The following AGAP1 variants were observed in gnomAD, a reference collection of about 807,000 sequenced individuals.
AGAP1 encodes arf-GAP with GTPase, ANK repeat and PH domain-containing protein 1.
Under a neutral mutation model 105.3 loss-of-function variants are expected in AGAP1, and 29 were observed. That is an observed-to-expected ratio of 0.28 (90% CI 0.21 to 0.38). The LOEUF (loss-of-function observed/expected upper bound fraction) is 0.38, where lower values mean the gene tolerates loss of function less well. Ranked by LOEUF, AGAP1 falls within the 10% of genes least tolerant of loss-of-function variation. The probability of loss-of-function intolerance (pLI) is 1.00; values close to 1 mark genes in which losing one functional copy is unlikely to be tolerated. For synonymous variants in AGAP1, 509 were observed against 485.9 expected (o/e 1.05, Z -0.63); for missense variants, 998 against 1,165.1 (o/e 0.86, Z 2.09).
intron 1 of AGAP1, among the ~76,000 whole-genome samples, chr2:235,579,272 T>C (rs1031768425): frequency 6.6e-6 from 1 of 152,190 alleles, no homozygotes; most frequent in South Asian, 2.1e-4. Flanking sequence ...GGCGACACTT[T>C]TGCTTTAATC....
rs1337994332 is a variant in AGAP1, at chr2:235,577,900, C to T, written c.163+83051C>T. ...CGGATGAAAAAAACCAAACACTGAG[C>T]CTGGTCTGAGCGGGGCTGTTTGTTG... On this transcript the variant is annotated intron_variant, in intron 1 of 17. Coordinates refer to ENST00000304032, the MANE Select transcript of AGAP1 (RefSeq NM_001037131.3). This position sits in a 1 kb window ranked among gnomAD's most constrained non-coding sequence, Gnocchi z 4.5. 1.3e-5 allele frequency among the ~76,000 whole-genome samples: 2 copies of T among 152,050 alleles called. No individual in the cohort carries two copies. Among genetic ancestry groups the T allele is most frequent in the Non-Finnish European group, 2.9e-5 (2 of 68,024 alleles).
chr2:235,891,775 C>A lies in AGAP1; in HGVS notation c.1155+8326C>A, dbSNP rs1349321509. ...GTTCCGGTCCTGGCTCTCTGGGCTTCCTCAGGAGGTCGTTTGGCAGCTGTG... is the reference window on the plus strand; with the variant it reads ...GTTCCGGTCCTGGCTCTCTGGGCTTACTCAGGAGGTCGTTTGGCAGCTGTG... On this transcript the variant is annotated intron_variant, in intron 10 of 17. Coordinates refer to ENST00000304032, the MANE Select transcript of AGAP1 (RefSeq NM_001037131.3). This position sits in a 1 kb window ranked among gnomAD's most constrained non-coding sequence, Gnocchi z 4.2. 6.6e-6 allele frequency among the ~76,000 whole-genome samples: 1 copy of A among 152,124 alleles called. No individual in the cohort carries two copies. The highest frequency in any genetic ancestry group is 2.4e-5 in the African/African-American group (1 of 41,422).
At chr2:235,920,925 T>G (rs974874451) in intron 11 of AGAP1, among the ~76,000 whole-genome samples, 1 of 152,232 alleles carries the variant, frequency 6.6e-6, no homozygotes, top group African/African-American at 2.4e-5. Context: ...TGGGGCATAC[T>G]GTTATCATTA....
rs1377089640 is a variant in AGAP1 at position 236,089,621 on chromosome 2, G to A, written c.2115-30571G>A. 6.6e-6 allele frequency among the ~76,000 whole-genome samples: 1 copy of A among 152,196 alleles called. No individual in the cohort carries two copies. Among genetic ancestry groups the A allele is most frequent in the Non-Finnish European group, 1.5e-5 (1 of 68,026 alleles). ...TGGAGAACAAAGAAGAGTTTGCACAGAAGAAAAGGGAGGTTGTTTAACCAG... is the reference window on the plus strand; with the variant it reads ...TGGAGAACAAAGAAGAGTTTGCACAAAAGAAAAGGGAGGTTGTTTAACCAG... On this transcript the variant is annotated intron_variant, in intron 16 of 17. Coordinates refer to ENST00000304032, the MANE Select transcript of AGAP1 (RefSeq NM_001037131.3). The surrounding 1 kb of genome is among the most constrained non-coding windows in gnomAD (Gnocchi z 5.6).
In AGAP1 at chr2:235,951,991, T is replaced by A. The variant is rs1340308849; in HGVS notation, c.1484-16471T>A. ...TGCTATGTATTTGTGACCTGATATA[T>A]TATTTTTAAATACAGTTGTTTAATA... On this transcript the variant is annotated intron_variant, in intron 12 of 17. Coordinates refer to ENST00000304032, the MANE Select transcript of AGAP1 (RefSeq NM_001037131.3). This position sits in a 1 kb window ranked among gnomAD's most constrained non-coding sequence, Gnocchi z 4.2. Among the ~76,000 whole-genome samples the A allele has an allele frequency of 2.0e-5, 3 of 152,232 alleles. No individual in the cohort carries two copies. Among genetic ancestry groups the A allele is most frequent in the Non-Finnish European group, 4.4e-5 (3 of 68,052 alleles).
At chr2:235,541,414 G>A (rs1482369492) in intron 1 of AGAP1, among the ~76,000 whole-genome samples, 1 of 108,896 alleles carries the variant, frequency 9.2e-6, no homozygotes, top group Admixed American at 1.4e-4. Context: ...TTGAGACGAA[G>A]TCTCACTCTC....
chr2:235,706,587 T>G lies in AGAP1; in HGVS notation c.164-2592T>G, dbSNP rs192370618. ...TAGAAATGCATTTGTGAGGATCCTA[T>G]CCATCTCTGTATCGCACCTGGCTGT... On this transcript the variant is annotated intron_variant, in intron 1 of 17. Transcript: ENST00000304032. Among the ~76,000 whole-genome samples the G allele has an allele frequency of 3.2e-3, 488 of 152,292 alleles. 2 individuals carry two copies. Among genetic ancestry groups the G allele is most frequent in the African/African-American group, 0.011 (465 of 41,572 alleles).
intron 1 of AGAP1, among the ~76,000 whole-genome samples, chr2:235,588,235 A>G (rs1359618968): frequency 6.6e-6 from 1 of 151,832 alleles, no homozygotes; most frequent in Non-Finnish European, 1.5e-5. Flanking sequence ...TCTCAAAAAA[A>G]AAAAAAAATG....
At chr2:236,115,196 T>C (rs983440721) in intron 16 of AGAP1, among the ~76,000 whole-genome samples, 2 of 152,142 alleles carry the variant, frequency 1.3e-5, no homozygotes, top group Non-Finnish European at 2.9e-5. Flanking sequence ...CACATAACAT[T>C]GAATTATCAG....
At position 235,931,488 on chromosome 2, in the gene AGAP1, G is replaced by A. The variant is rs1168438265; in HGVS notation, c.1483+565G>A. On this transcript the variant is annotated intron_variant, in intron 12 of 17. Coordinates refer to ENST00000304032, the MANE Select transcript of AGAP1 (RefSeq NM_001037131.3). This position sits in a 1 kb window ranked among gnomAD's most constrained non-coding sequence, Gnocchi z 5.6. ...GTGTATCCAGCTTTTTGGGGAATAA[G>A]CATGCACGTTGGAAACGATCTCGCC... is the stretch of plus-strand genomic sequence containing the variant. Among the ~76,000 whole-genome samples the A allele has an allele frequency of 6.6e-6, 1 of 151,914 alleles. No homozygotes were observed. Among genetic ancestry groups the A allele is most frequent in the Non-Finnish European group, 1.5e-5 (1 of 68,014 alleles).
chr2:235,885,992 C>T (rs986730682), intron 10 of AGAP1, among the ~76,000 whole-genome samples: 2 of 152,210 alleles, frequency 1.3e-5, no homozygotes, highest in African/African-American at 2.4e-5. Flanking sequence ...CATTCCATGA[C>T]GCCCACCTGG....
At chr2:235,755,533 C>T (rs190761586) in intron 6 of AGAP1, among the ~76,000 whole-genome samples, 14 of 152,292 alleles carry the variant, frequency 9.2e-5, no homozygotes, top group East Asian at 1.9e-4. Flanking sequence ...CTCTACCTCC[C>T]GGGTTCAAGC....
chr2:235,568,317 G>A (rs1379682972), intron 1 of AGAP1, among the ~76,000 whole-genome samples: 1 of 152,236 alleles, frequency 6.6e-6, no homozygotes, highest in Non-Finnish European at 1.5e-5. Context: ...CTGTTCGTGG[G>A]CTGCCTGCTG....
rs59663970 is a variant in AGAP1, at chr2:235,987,108, G to GTTATTTATTTAT, written c.1645+18507_1645+18518dup. ...TGAATCTGGTCCTGGGCTTTTTATT[G>GTTATTTATTTAT]TTATTTATTTATTTATTTATTTATT... On this transcript the variant is annotated intron_variant, in intron 13 of 17. Coordinates refer to ENST00000304032, the MANE Select transcript of AGAP1 (RefSeq NM_001037131.3). Among the ~76,000 whole-genome samples, 754 of 147,786 alleles carry GTTATTTATTTAT rather than the reference G, an allele frequency of 5.1e-3. 3 individuals are homozygous for GTTATTTATTTAT. The highest frequency in any genetic ancestry group is 7.4e-3 in the African/African-American group (298 of 40,332).
At chr2:235,717,961 A>G (rs1951202557) in intron 3 of AGAP1, among the ~76,000 whole-genome samples, 1 of 152,144 alleles carries the variant, frequency 6.6e-6, no homozygotes, top group South Asian at 2.1e-4. Flanking sequence ...TTAAATATTG[A>G]CTGGACATTC....
In AGAP1 at chr2:235,611,352, A is replaced by G. The variant is rs929968953; in HGVS notation, c.164-97827A>G. ...GTCAGGATGCTGCAACGAATATAAT[A>G]GAAAATGATGTTAATATTCAAGGTC... On this transcript the variant is annotated intron_variant, in intron 1 of 17. Coordinates refer to ENST00000304032, the MANE Select transcript of AGAP1 (RefSeq NM_001037131.3). The surrounding 1 kb of genome is among the most constrained non-coding windows in gnomAD (Gnocchi z 5.0). Among the ~76,000 whole-genome samples, 3 of 152,228 alleles carry G rather than the reference A, an allele frequency of 2.0e-5. No homozygotes were observed. The highest frequency in any genetic ancestry group is 7.2e-5 in the African/African-American group (3 of 41,456).
rs1191889638 is a variant in AGAP1 at position 235,586,886 on chromosome 2, T to C, written c.163+92037T>C. ...TTGTCGGAGTGTAGTTCATATACCA[T>C]GCACAGCCTGTCAGCATACAGCTTG... On this transcript the variant is annotated intron_variant, in intron 1 of 17. Transcript: ENST00000304032. The surrounding 1 kb of genome is among the most constrained non-coding windows in gnomAD (Gnocchi z 4.2). 6.6e-6 allele frequency among the ~76,000 whole-genome samples: 1 copy of C among 152,156 alleles called. No individual in the cohort carries two copies. The highest frequency in any genetic ancestry group is 2.4e-5 in the African/African-American group (1 of 41,440).
rs1425546420 is a variant in AGAP1, at chr2:235,865,012, C to T, written c.1051-18333C>T. ...CACAACAAACTTTTTATTTCTTTCC[C>T]TGTCATTGTTCTTGGTCTTGTTATT... On this transcript the variant is annotated intron_variant, in intron 9 of 17. Transcript: ENST00000304032. This position sits in a 1 kb window ranked among gnomAD's most constrained non-coding sequence, Gnocchi z 6.2. Among the ~76,000 whole-genome samples the T allele has an allele frequency of 6.6e-6, 1 of 152,170 alleles. No homozygotes were observed. The highest frequency in any genetic ancestry group is 6.5e-5 in the Admixed American group (1 of 15,282).
chr2:236,049,066 C>T lies in AGAP1; in HGVS notation c.1899C>T (p.Asn633=). The change falls in exon 16 of 18, where the codon AAC becomes AAT. Residue 633 remains asparagine, a synonymous_variant. Coordinates refer to ENST00000304032, the MANE Select transcript of AGAP1 (RefSeq NM_001037131.3). ...CTGTTCCTCTTCCCGTAGATCCCAA[C>T]TGGGCCAGTTTGAACTTGGGAGCCC... ...HCVDCETQNP[N]WASLNLGALM... 2.5e-6 allele frequency: 4 copies of T among 1,613,856 alleles called. No homozygotes were observed. Among genetic ancestry groups the T allele is most frequent in the Non-Finnish European group, 3.4e-6 (4 of 1,179,758 alleles).
Sources: allele counts gnomAD v4.1 joint callset (sites outside exome capture counted in the v4.1 genomes callset), GRCh38; gene constraint gnomAD v4.1.1; non-coding constraint Gnocchi (gnomAD v3.1); transcripts MANE v1.5; gene names NCBI Gene and HGNC (gene_info 2026-07-23, HGNC 2026-07-21).